The following CCDC121 variants were observed in gnomAD, a reference collection of about 807,000 sequenced individuals.
The protein encoded by CCDC121 is coiled-coil domain-containing protein 121.
For missense variants in CCDC121, 238 were observed against 304.1 expected (o/e 0.78, Z 1.62); for synonymous variants, 108 against 120.0 (o/e 0.90, Z 0.65).
At chr2:27,628,843 T>C (rs1338792867) in intron 1 of CCDC121, 107 bp downstream of exon 1, 5 of 1,469,378 alleles carry the variant, frequency 3.4e-6, no homozygotes, top group Non-Finnish European at 4.5e-6. Context: ...CCCTTCAGCC[T>C]TCCTCTCGCT....
At chr2:27,628,766 C>G (rs1018795454) in intron 1 of CCDC121, 184 bp downstream of exon 1, 1 of 1,535,280 alleles carries the variant, frequency 6.5e-7, no homozygotes, top group Non-Finnish European at 8.8e-7. Flanking sequence ...GACCCCATCT[C>G]TTCTGGCCTT....
In CCDC121 at chr2:27,627,893, G is replaced by C; in HGVS notation, c.-94C>G. On this transcript the variant is annotated 5_prime_UTR_variant, in exon 2 of 2. Transcript: ENST00000324364. ...TTATTAGACTATGATACGGTGGAAG[G>C]AGCCTTCTGGGGCCCTCAGCAAACC... The C allele has an allele frequency of 6.2e-7, 1 of 1,613,784 alleles. No homozygotes were observed. Among genetic ancestry groups the C allele is most frequent in the Non-Finnish European group, 8.5e-7 (1 of 1,179,794 alleles).
intron 1 of CCDC121, chr2:27,628,647 C>G (rs2148058388): frequency 1.3e-6 from 2 of 1,551,540 alleles, no homozygotes; most frequent in Middle Eastern, 1.7e-4. Context: ...CCTCGGCTAC[C>G]GAATAAGCCC....
chr2:27,627,597 A>T lies in CCDC121; in HGVS notation c.203T>A (p.Ile68Asn), dbSNP rs767551930. 3.1e-6 allele frequency: 5 copies of T among 1,613,794 alleles called. No individual in the cohort carries two copies. The highest frequency in any genetic ancestry group is 3.4e-6 in the Non-Finnish European group (4 of 1,180,014). Reference sequence around the variant, plus strand: ...GGCTGATTCTTGTCTTCTTCGTTCAATCTCTCCACTTTTTTGTAAATAGCT... The same window carrying T: ...GGCTGATTCTTGTCTTCTTCGTTCATTCTCTCCACTTTTTTGTAAATAGCT... Reference protein sequence around the residue: ...WNSYLQKSGEIERRRQESASR... With the variant: ...WNSYLQKSGENERRRQESASR... Residue 68 changes from isoleucine to asparagine, a missense_variant, in exon 2 of 2, where the codon ATT becomes AAT. Coordinates refer to ENST00000324364, the MANE Select transcript of CCDC121 (RefSeq NM_024584.5).
At chr2:27,627,940 C>T (rs1673346924) in intron 1 of CCDC121, 23 bp from the exon 2 acceptor site, 4 of 1,511,064 alleles carry the variant, frequency 2.6e-6, no homozygotes, top group Admixed American at 1.7e-5. Flanking sequence ...ACGAGACATT[C>T]CTCTGTCAGT....
At chr2:27,628,585 AGACTGCACCCTGCT>A in intron 1 of CCDC121, 1 of 1,551,548 alleles carries the variant, frequency 6.4e-7, no homozygotes. Flanking sequence ...GCAACCCTGG[AGACTGCACCCTGCT>A]CCAGTCCCGG....
chr2:27,628,533 T>C (rs1370170706), intron 1 of CCDC121: 24 of 1,551,250 alleles, frequency 1.5e-5, no homozygotes, highest in Non-Finnish European at 2.0e-5. Flanking sequence ...AAAGCTCCCG[T>C]AGTTTATTCG....
chr2:27,628,393 C>G (rs1330684055), intron 1 of CCDC121: 3 of 1,550,728 alleles, frequency 1.9e-6, no homozygotes, highest in Admixed American at 2.0e-5. Context: ...TACCTACTTG[C>G]ACCTGGAATC....
At chr2:27,628,822 T>C in intron 1 of CCDC121, 128 bp downstream of exon 1, 1 of 1,480,622 alleles carries the variant, frequency 6.8e-7, no homozygotes, top group Non-Finnish European at 9.0e-7. Context: ...ATCAGCGCCC[T>C]TTTCCTAGCT....
intron 1 of CCDC121, among the ~76,000 whole-genome samples, 167 bp from the exon 2 acceptor site, chr2:27,628,084 T>C (rs59466166): frequency 0.025 from 3,805 of 152,250 alleles, 72 homozygotes; most frequent in African/African-American, 0.051. Flanking sequence ...GGAATGTAGC[T>C]CGTCATTTAC....
rs775002313 is a variant in CCDC121, at chr2:27,626,916, T to TA, written c.*46dup. 10 of 1,364,630 alleles carry TA rather than the reference T, an allele frequency of 7.3e-6. No homozygotes were observed. The South Asian group carries it at 9.4e-5, about 13-fold the overall frequency. The allele number at this position is 1,364,630 out of a possible 1,614,324, so 84.5% of individuals were successfully genotyped here. A position where few individuals can be genotyped will look rare whatever the true frequency, so the allele number is the denominator to read the frequency against. ...TTTCTAACCAGGTTAATGTAGCACTTAAGAGTACTTGCTCCAGTTCTTATT... is the reference window on the plus strand; with the variant it reads ...TTTCTAACCAGGTTAATGTAGCACTTAAAGAGTACTTGCTCCAGTTCTTATT... On this transcript the variant is annotated 3_prime_UTR_variant, in exon 2 of 2. Transcript: ENST00000324364.
chr2:27,627,688 ATC>A lies in CCDC121; in HGVS notation c.110_111del (p.Arg37IlefsTer8). ...REKLLVQAENRFFLEYLTNKT... is the reference protein window; with the variant it reads ...REKLLVQAENXFFLEYLTNKT... ...TTGTTAGTCAGGTATTCCAGAAAGAATCTGTTTTCAGCCTGGACAAGTAACTT... is the reference window on the plus strand; with the variant it reads ...TTGTTAGTCAGGTATTCCAGAAAGAATGTTTTCAGCCTGGACAAGTAACTT... On this transcript the variant is annotated frameshift_variant, in exon 2 of 2. Coordinates refer to ENST00000324364, the MANE Select transcript of CCDC121 (RefSeq NM_024584.5). LOFTEE classifies it low-confidence loss of function (END_TRUNC). 1.9e-6 allele frequency: 3 copies of A among 1,612,508 alleles called. No individual in the cohort carries two copies. The highest frequency in any genetic ancestry group is 2.5e-6 in the Non-Finnish European group (3 of 1,179,754).
intron 1 of CCDC121, 143 bp downstream of exon 1, chr2:27,628,807 C>A: frequency 6.7e-7 from 1 of 1,496,846 alleles, no homozygotes; most frequent in Non-Finnish European, 8.9e-7. Flanking sequence ...TCCCAGGCTG[C>A]AGAGATCAGC....
rs376633943 is a variant in CCDC121, at chr2:27,627,670, T to A, written c.130A>T (p.Thr44Ser). The change falls in exon 2 of 2, where the codon ACT (threonine) becomes TCT (serine). Residue 44 changes from threonine to serine, a missense_variant. Physicochemically the swap from Thr to Ser is moderately conservative, Grantham distance 58. Transcript: ENST00000324364. The part of the protein sequence containing the change: ...AENRFFLEYL[T>S]NKTEEYTEQP... ...TCTGTGTACTCTTCAGTTTTGTTAGTCAGGTATTCCAGAAAGAATCTGTTT... is the reference window on the plus strand; with the variant it reads ...TCTGTGTACTCTTCAGTTTTGTTAGACAGGTATTCCAGAAAGAATCTGTTT... 6.2e-7 allele frequency: 1 copy of A among 1,613,886 alleles called. No homozygotes were observed. Among genetic ancestry groups the A allele is most frequent in the Non-Finnish European group, 8.5e-7 (1 of 1,180,024 alleles).
Position 27,626,046 on chromosome 2 carries a change from G to A in CCDC121, c.*917C>T, listed in dbSNP as rs1354186461. ...TATACTAAATGGGAATAAACATATG[G>A]CACACATTAATTACAAAGGATACTT... On this transcript the variant is annotated 3_prime_UTR_variant, in exon 2 of 2. Transcript: ENST00000324364. 1 of 151,854 alleles carries A rather than the reference G, an allele frequency of 6.6e-6. No homozygotes were observed. The highest frequency in any genetic ancestry group is 6.6e-5 in the Admixed American group (1 of 15,236). 9.4% of individuals were successfully genotyped at this position (151,854 alleles called of 1,614,324 possible).
Position 27,626,992 on chromosome 2 carries a change from C to T in CCDC121, c.808G>A (p.Gly270Ser). 1 of 1,607,962 alleles carries T rather than the reference C, an allele frequency of 6.2e-7. No individual in the cohort carries two copies. The highest frequency in any genetic ancestry group is 8.5e-7 in the Non-Finnish European group (1 of 1,177,116). Reference sequence around the variant, plus strand: ...TTTGGATTAATCCTTGATTTGGTGCCTTGGGGAAGACTGGGTGTGGTCTTT... The same window carrying T: ...TTTGGATTAATCCTTGATTTGGTGCTTTGGGGAAGACTGGGTGTGGTCTTT... ...VPKTTPSLPQ[G>S]TKSRINPK Residue 270 changes from glycine to serine, a missense_variant, in exon 2 of 2, where the codon GGC becomes AGC. Physicochemically the swap from Gly to Ser is moderately conservative, Grantham distance 56. Coordinates refer to ENST00000324364, the MANE Select transcript of CCDC121 (RefSeq NM_024584.5).
chr2:27,628,948 A>G lies in CCDC121; in HGVS notation c.-119+2T>C. 1 of 1,549,358 alleles carries G rather than the reference A, an allele frequency of 6.5e-7. No individual in the cohort carries two copies. Among genetic ancestry groups the G allele is most frequent in the Non-Finnish European group, 8.7e-7 (1 of 1,148,072 alleles). Reference sequence around the variant, plus strand: ...TGCCCTGGCAACCGCCGCGCCCCTCACCCGCTCCTTTCTGACGCTGTGGTG... The same window carrying G: ...TGCCCTGGCAACCGCCGCGCCCCTCGCCCGCTCCTTTCTGACGCTGTGGTG... On this transcript the variant is annotated splice_donor_variant, in intron 1 of 1. Coordinates refer to ENST00000324364, the MANE Select transcript of CCDC121 (RefSeq NM_024584.5). LOFTEE classifies it low-confidence loss of function (5UTR_SPLICE).
rs1242014150 is a variant in CCDC121 at position 27,627,458 on chromosome 2, C to T, written c.342G>A (p.Lys114=). 4 of 1,614,010 alleles carry T rather than the reference C, an allele frequency of 2.5e-6. No individual in the cohort carries two copies. The highest frequency in any genetic ancestry group is 3.4e-6 in the Non-Finnish European group (4 of 1,180,022). The change falls in exon 2 of 2, where the codon AAG becomes AAA. Residue 114 remains lysine (K), a synonymous_variant. Coordinates refer to ENST00000324364, the MANE Select transcript of CCDC121 (RefSeq NM_024584.5). ...TCTGTATTTCTTTCTCCTGCTTTTC[C>T]TTTAATATAGCAATGTCCCTCATTG... ...LQAMRDIAIL[K]EKQEKEIQTL... is the part of the protein sequence containing the mutation.
In CCDC121 at chr2:27,627,578, TTCTTG is replaced by T. The variant is rs1673327196; in HGVS notation, c.217_221del (p.Gln73IlefsTer13). ...TTTGTTCTGCATATCTGGAGGCTGA[TTCTTG>T]TCTTCTTCGTTCAATCTCTCCACTT... is the stretch of plus-strand genomic sequence containing the variant. On this transcript the variant is annotated frameshift_variant, in exon 2 of 2. Coordinates refer to ENST00000324364, the MANE Select transcript of CCDC121 (RefSeq NM_024584.5). LOFTEE classifies it low-confidence loss of function (END_TRUNC). 6.2e-7 allele frequency: 1 copy of T among 1,614,204 alleles called. No homozygotes were observed. The highest frequency in any genetic ancestry group is 8.5e-7 in the Non-Finnish European group (1 of 1,180,024).
Sources: gnomAD v4.1 joint callset for allele counts (sites outside exome capture counted in the v4.1 genomes callset) on GRCh38, gnomAD v4.1.1 for gene constraint, MANE v1.5 for transcripts, NCBI Gene and HGNC (gene_info 2026-07-23, HGNC 2026-07-21) for gene names.